Variants in BMERB1 observed in about 807,000 individuals in gnomAD.
BMERB1 encodes bMERB domain containing 1, also known as bMERB domain-containing protein 1.
Under a neutral mutation model 23.6 loss-of-function variants are expected in BMERB1, and 12 were observed. The ratio of observed to expected loss-of-function variants is 0.51; its 90% CI spans 0.33 to 0.82. The LOEUF is 0.82. Ranked by LOEUF, BMERB1 falls within the 40% of genes least tolerant of loss-of-function variation. BMERB1 has a pLI of 0.03. For synonymous variants in BMERB1, 122 were observed against 96.6 expected, an observed-to-expected ratio of 1.26 and a Z score of -1.54; for missense variants, 247 against 255.4, an observed-to-expected ratio of 0.97 and a Z score of 0.22.
intron 1 of BMERB1, among the ~76,000 whole-genome samples, chr16:15,482,870 C>T (rs1325893131): frequency 1.3e-5 from 2 of 152,112 alleles, no homozygotes; most frequent in Non-Finnish European, 2.9e-5. Context: ...TGCGTTGTCT[C>T]ACTTAGTGTT....
At chr16:15,580,897 GT>G (rs970588205) in intron 3 of BMERB1, among the ~76,000 whole-genome samples, 10 of 147,440 alleles carry the variant, frequency 6.8e-5, no homozygotes, top group African/African-American at 2.5e-4. Context: ...GTAATTTTTT[GT>G]TTTTTTTTTC....
chr16:15,548,990 C>T (rs545320312), intron 2 of BMERB1, among the ~76,000 whole-genome samples: 1 of 152,180 alleles, frequency 6.6e-6, no homozygotes, highest in African/African-American at 2.4e-5. Context: ...TCCCCGGGGC[C>T]TGCAGATTGT....
intron 1 of BMERB1, among the ~76,000 whole-genome samples, chr16:15,509,350 A>C (rs2051631873): frequency 6.7e-6 from 1 of 149,280 alleles, no homozygotes; most frequent in South Asian, 2.1e-4. Flanking sequence ...GGGGAGAGAG[A>C]GAGCACAAGC....
At chr16:15,500,656 C>A (rs1256391328) in intron 1 of BMERB1, among the ~76,000 whole-genome samples, 6 of 152,090 alleles carry the variant, frequency 3.9e-5, no homozygotes, top group Admixed American at 6.6e-5. Context: ...TCTGTTCTTC[C>A]TTTATTTAGT....
intron 2 of BMERB1, chr16:15,533,077 G>GT: frequency 1.1e-5 from 5 of 452,518 alleles, no homozygotes; most frequent in South Asian, 7.8e-5. Context: ...TCGCAGGGTG[G>GT]TCATGAGGAG....
chr16:15,450,037 T>A (rs2051028294), intron 1 of BMERB1, among the ~76,000 whole-genome samples: 1 of 151,804 alleles, frequency 6.6e-6, no homozygotes, highest in Non-Finnish European at 1.5e-5. Context: ...CAGGTGTGTG[T>A]CATCACACCC....
intron 2 of BMERB1, among the ~76,000 whole-genome samples, chr16:15,555,053 A>T (rs991039181): frequency 6.6e-6 from 1 of 152,204 alleles, no homozygotes; most frequent in Non-Finnish European, 1.5e-5. Context: ...CACTCTGTCA[A>T]GGCAGACAGC....
intron 1 of BMERB1, among the ~76,000 whole-genome samples, chr16:15,474,413 G>A (rs1355390161): frequency 1.3e-5 from 2 of 152,018 alleles, no homozygotes; most frequent in African/African-American, 4.8e-5. Flanking sequence ...TGCCCAGGGT[G>A]GAGCGCAGTG....
At chr16:15,501,734 A>G (rs1196882628) in intron 1 of BMERB1, among the ~76,000 whole-genome samples, 1 of 151,876 alleles carries the variant, frequency 6.6e-6, no homozygotes, top group Non-Finnish European at 1.5e-5. Flanking sequence ...CGGACTCCCA[A>G]AATGCTAGGA....
intron 1 of BMERB1, among the ~76,000 whole-genome samples, chr16:15,484,532 G>A (rs1267026111): frequency 6.6e-6 from 1 of 151,938 alleles, no homozygotes; most frequent in Non-Finnish European, 1.5e-5. Flanking sequence ...CTCCCAAATA[G>A]CTGGGACTAC....
chr16:15,472,129 T>C (rs765175792), intron 1 of BMERB1, among the ~76,000 whole-genome samples: 5 of 152,220 alleles, frequency 3.3e-5, no homozygotes, highest in Non-Finnish European at 7.3e-5. Flanking sequence ...ATATAACACA[T>C]AATTTTAATT....
At position 15,581,838 on chromosome 16, in the gene BMERB1, T is replaced by C. The variant is rs1353052104; in HGVS notation, c.419+507T>C. Among the ~76,000 whole-genome samples the C allele has an allele frequency of 3.9e-5, 6 of 152,306 alleles. No individual in the cohort carries two copies. The East Asian group carries it at 7.7e-4, about 20-fold the overall frequency. The stretch of plus-strand genomic sequence containing the variant: ...GACAACCACAGCCCTGGAGCTGCAG[T>C]GTAAAAACATGTTGTAAATGTTGAA... On this transcript the variant is annotated intron_variant, in intron 4 of 5. Transcript: ENST00000300006.
intron 4 of BMERB1, among the ~76,000 whole-genome samples, chr16:15,582,207 T>C (rs912060896): frequency 3.3e-5 from 5 of 152,192 alleles, no homozygotes; most frequent in Non-Finnish European, 7.3e-5. Flanking sequence ...AAGACCAGCC[T>C]GGGCAACATG....
At chr16:15,438,466 T>TC (rs1254335563) in intron 1 of BMERB1, among the ~76,000 whole-genome samples, 1 of 47,394 alleles carries the variant, frequency 2.1e-5, no homozygotes, top group Non-Finnish European at 6.3e-5. Context: ...TCTAGACTAT[T>TC]TTTTTTTTTT....
At position 15,584,121 on chromosome 16, in the gene BMERB1, C is replaced by T; in HGVS notation, c.502+883C>T. ...AGTTTGAGAAATGCTGTTTACTTGACCCTGTATTTGGAGAGTCCCAGTGTC... is the reference window on the plus strand; with the variant it reads ...AGTTTGAGAAATGCTGTTTACTTGATCCTGTATTTGGAGAGTCCCAGTGTC... On this transcript the variant is annotated intron_variant, in intron 5 of 5. Transcript: ENST00000300006. 4.3e-6 allele frequency: 3 copies of T among 698,386 alleles called. No homozygotes were observed. In the Admixed American group the frequency reaches 6.0e-5, roughly 14 times the overall value. The allele number at this position is 698,386 out of a possible 1,614,324, so 43.3% of individuals were successfully genotyped here. A position where few individuals can be genotyped will look rare whatever the true frequency, so the allele number is the denominator to read the frequency against.
intron 2 of BMERB1, among the ~76,000 whole-genome samples, chr16:15,538,866 G>C (rs1375428478): frequency 6.6e-6 from 1 of 152,128 alleles, no homozygotes. Context: ...CCATGTTGTA[G>C]CTAAAACAGC....
chr16:15,541,269 C>T (rs1411291970), intron 2 of BMERB1, among the ~76,000 whole-genome samples: 1 of 152,000 alleles, frequency 6.6e-6, no homozygotes, highest in Non-Finnish European at 1.5e-5. Context: ...CCATGATGCC[C>T]TCTCTGGGTG....
intron 1 of BMERB1, among the ~76,000 whole-genome samples, chr16:15,510,861 C>T (rs369686495): frequency 2.6e-5 from 4 of 152,032 alleles, no homozygotes; most frequent in Non-Finnish European, 4.4e-5. Context: ...GCCAGCATGC[C>T]AGGCTAAGTT....
chr16:15,444,249 C>T (rs1211457538), intron 1 of BMERB1, among the ~76,000 whole-genome samples: 1 of 149,272 alleles, frequency 6.7e-6, no homozygotes, highest in African/African-American at 2.5e-5. Context: ...CAGGTAAAGG[C>T]CCTCTTTTAG....
Sources: allele counts gnomAD v4.1 joint callset (sites outside exome capture counted in the v4.1 genomes callset), GRCh38; gene constraint gnomAD v4.1.1; transcripts MANE v1.5; gene names NCBI Gene and HGNC (gene_info 2026-07-23, HGNC 2026-07-21).